Variants in ACKR3 observed in about 807,000 individuals in gnomAD.
ACKR3 encodes the protein C-X-C chemokine receptor type 7.
ACKR3 carries 6 observed loss-of-function variants against 22.4 expected under a neutral mutation model. The observed-to-expected ratio is 0.27, with a 90% CI of 0.15 to 0.53. The LOEUF (loss-of-function observed/expected upper bound fraction) is 0.53. Among genes scored for constraint, ACKR3 ranks in the 20% least tolerant of loss-of-function variants. The pLI is 0.96. For synonymous variants in ACKR3, 209 were observed against 205.2 expected, an observed-to-expected ratio of 1.02 and a Z score of -0.16; for missense variants, 396 against 475.2, an observed-to-expected ratio of 0.83 and a Z score of 1.55.
chr2:236,560,354 G>A, the ACKR3 span, among the ~76,000 whole-genome samples: 1 of 136,082 alleles, frequency 7.3e-6, no homozygotes, highest in Non-Finnish European at 1.5e-5. Flanking sequence ...CATCCTGATA[G>A]GTGTGAGGTG....
the ACKR3 span, among the ~76,000 whole-genome samples, chr2:236,554,501 G>T: frequency 6.6e-6 from 1 of 152,160 alleles, no homozygotes; most frequent in Admixed American, 6.5e-5. Flanking sequence ...TGACCCCTAG[G>T]GCTGAGATAG....
the ACKR3 span, among the ~76,000 whole-genome samples, chr2:236,560,469 A>C: frequency 6.6e-6 from 1 of 152,260 alleles, no homozygotes; most frequent in Middle Eastern, 3.4e-3. Context: ...TGACATAGGC[A>C]TGTCTTCTTT....
the ACKR3 span, among the ~76,000 whole-genome samples, chr2:236,539,256 C>G: frequency 0.077 from 9,352 of 121,750 alleles, 349 homozygotes; most frequent in East Asian, 0.19. Context: ...GTGTGTGTGT[C>G]TCTCTCTCTC....
At chr2:236,569,433 C>T (rs1182912060), upstream of ACKR3, among the ~76,000 whole-genome samples, 2 of 152,132 alleles carry the variant, frequency 1.3e-5, no homozygotes, top group East Asian at 1.9e-4. Flanking sequence ...CAAAGTCCTC[C>T]CTAGAGCGAA....
At chr2:236,556,841 C>A in the ACKR3 span, among the ~76,000 whole-genome samples, 9 of 152,190 alleles carry the variant, frequency 5.9e-5, no homozygotes, top group African/African-American at 2.2e-4. Flanking sequence ...GTGCCCACCA[C>A]CATCCCTGGC....
chr2:236,552,688 C>G, the ACKR3 span, among the ~76,000 whole-genome samples: 1 of 152,120 alleles, frequency 6.6e-6, no homozygotes, highest in Non-Finnish European at 1.5e-5. Flanking sequence ...GGAATATTTA[C>G]AGAGGCATGC....
the ACKR3 span, among the ~76,000 whole-genome samples, chr2:236,550,520 AG>A: frequency 1.3e-5 from 2 of 152,156 alleles, no homozygotes; most frequent in Non-Finnish European, 2.9e-5. The surrounding 1 kb of genome is among the most constrained non-coding windows in gnomAD (Gnocchi z 4.6). Flanking sequence ...GCTTGGTTTC[AG>A]GTAGGTGGTC....
At chr2:236,550,654 G>A in the ACKR3 span, among the ~76,000 whole-genome samples, 2 of 152,220 alleles carry the variant, frequency 1.3e-5, no homozygotes, top group East Asian at 1.9e-4. This position sits in a 1 kb window ranked among gnomAD's most constrained non-coding sequence, Gnocchi z 4.6. Flanking sequence ...ACATCTTGTC[G>A]CTGAGCAAGG....
At chr2:236,566,944 TGCC>T (rs1415856937), upstream of ACKR3, among the ~76,000 whole-genome samples, 9 of 143,474 alleles carry the variant, frequency 6.3e-5, no homozygotes, top group African/African-American at 2.6e-4. Context: ...CCTGCCTGCC[TGCC>T]TGCCTTCCTT....
chr2:236,581,025 C>T lies in ACKR3; in HGVS notation c.560C>T (p.Thr187Met), dbSNP rs145853011. The change falls in exon 2 of 2, where the codon ACG becomes ATG. Residue 187 changes from threonine to methionine, a missense_variant. Physicochemically the swap from Thr to Met is moderately conservative, Grantham distance 81. Transcript: ENST00000272928. The surrounding 1 kb of genome is among the most constrained non-coding windows in gnomAD (Gnocchi z 4.4). ...LPDTYYLKTV[T>M]SASNNETYCR... ...GACACCTACTACCTGAAGACCGTCA[C>T]GTCTGCGTCCAACAATGAGACCTAC... 9.4e-5 allele frequency: 152 copies of T among 1,614,180 alleles called. No individual in the cohort carries two copies. Among genetic ancestry groups the T allele is most frequent in the African/African-American group, 1.6e-4 (12 of 75,060 alleles).
At chr2:236,575,548 G>T (rs546376228) in intron 1 of ACKR3, among the ~76,000 whole-genome samples, 15 of 110,334 alleles carry the variant, frequency 1.4e-4, no homozygotes, top group Non-Finnish European at 1.8e-4. Flanking sequence ...CTGGGGTTGT[G>T]CTGTGTGTGT....
upstream of ACKR3, among the ~76,000 whole-genome samples, chr2:236,565,884 C>G (rs1355636524): frequency 6.6e-6 from 1 of 152,144 alleles, no homozygotes; most frequent in East Asian, 1.9e-4. Context: ...GGGGGAGCGT[C>G]CAGTCCCAGG....
chr2:236,566,718 C>CCTT (rs1553634519), upstream of ACKR3, among the ~76,000 whole-genome samples: 4 of 114,568 alleles, frequency 3.5e-5, no homozygotes, highest in African/African-American at 1.2e-4. Context: ...TCCTTTCCTT[C>CCTT]CCTTCCTTCC....
chr2:236,574,767 C>G lies in ACKR3; in HGVS notation c.-27+4843C>G, dbSNP rs182050831. On this transcript the variant is annotated intron_variant, in intron 1 of 1. Transcript: ENST00000272928. This position sits in a 1 kb window ranked among gnomAD's most constrained non-coding sequence, Gnocchi z 5.6. ...ATACCCCAGGCTGCTTGCTGCAGCA[C>G]GGTCGTTGTCAAGGATACTTGGTTG... is the stretch of plus-strand genomic sequence containing the variant. Among the ~76,000 whole-genome samples the G allele has an allele frequency of 6.6e-6, 1 of 152,274 alleles. No homozygotes were observed. Among genetic ancestry groups the G allele is most frequent in the East Asian group, 1.9e-4 (1 of 5,182 alleles).
the ACKR3 span, among the ~76,000 whole-genome samples, chr2:236,541,395 T>G: frequency 1.3e-5 from 2 of 152,332 alleles, no homozygotes; most frequent in Admixed American, 1.3e-4. Flanking sequence ...CTTATTCAAG[T>G]TTCTAAAGAA....
chr2:236,579,445 G>A (rs773793357), intron 1 of ACKR3, among the ~76,000 whole-genome samples: 11 of 152,090 alleles, frequency 7.2e-5, no homozygotes, highest in Non-Finnish European at 1.0e-4. Flanking sequence ...TCCCATGGGC[G>A]GACTGACAGT....
Position 236,580,961 on chromosome 2 carries a change from A to C in ACKR3, c.496A>C (p.Ile166Leu). 2 of 1,614,134 alleles carry C rather than the reference A, an allele frequency of 1.2e-6. No homozygotes were observed. The highest frequency in any genetic ancestry group is 1.7e-6 in the Non-Finnish European group (2 of 1,180,036). Residue 166 changes from isoleucine (I) to leucine (L), a missense_variant, in exon 2 of 2, where the codon ATC becomes CTC. By Grantham distance (5) the Ile-to-Leu change is conservative (BLOSUM62 2). Coordinates refer to ENST00000272928, the MANE Select transcript of ACKR3 (RefSeq NM_020311.3). ...RKKMVRRVVC[I>L]LVWLLAFCVS... ...GAAGATGGTACGCCGTGTCGTCTGC[A>C]TCCTGGTGTGGCTGCTGGCCTTCTG...
At chr2:236,566,601 G>A (rs535553624), upstream of ACKR3, among the ~76,000 whole-genome samples, 1 of 152,284 alleles carries the variant, frequency 6.6e-6, no homozygotes, top group Non-Finnish European at 1.5e-5. Flanking sequence ...ACTGCAGAGC[G>A]TCACTCTAAT....
chr2:236,571,468 T>G (rs933564946), intron 1 of ACKR3, among the ~76,000 whole-genome samples: 1 of 152,112 alleles, frequency 6.6e-6, no homozygotes, highest in Non-Finnish European at 1.5e-5. Flanking sequence ...AAAAGTTCCA[T>G]AAAGCATCGC....
Sources: allele counts gnomAD v4.1 joint callset (sites outside exome capture counted in the v4.1 genomes callset), GRCh38; gene constraint gnomAD v4.1.1; non-coding constraint Gnocchi (gnomAD v3.1); transcripts MANE v1.5; gene names NCBI Gene and HGNC (gene_info 2026-07-23, HGNC 2026-07-21).